The following KDM4C variants were observed in gnomAD, a reference collection of about 807,000 sequenced individuals.
KDM4C encodes the protein lysine demethylase 4C.
In KDM4C, 81 loss-of-function variants were observed where a neutral mutation model predicts 129.3. That is an observed-to-expected ratio of 0.63 (90% CI 0.52 to 0.75). The LOEUF (loss-of-function observed/expected upper bound fraction) is 0.75. Ranked by LOEUF, KDM4C falls within the 30% of genes least tolerant of loss-of-function variation. The pLI, the probability that KDM4C is intolerant of heterozygous loss-of-function variation, is 0.00. For missense variants in KDM4C, 1,457 were observed against 1,304.0 expected (o/e 1.12, Z -1.81); for synonymous variants, 573 against 456.1 (o/e 1.26, Z -3.26).
At chr9:7,113,554 G>A (rs373350316) in intron 18 of KDM4C, among the ~76,000 whole-genome samples, 12 of 152,124 alleles carry the variant, frequency 7.9e-5, no homozygotes, top group Non-Finnish European at 1.3e-4. Context: ...TTCTCTCCCT[G>A]TGCTTTCTGT....
At chr9:6,774,267 C>T (rs893721400) in intron 1 of KDM4C, among the ~76,000 whole-genome samples, 2 of 152,152 alleles carry the variant, frequency 1.3e-5, no homozygotes, top group Admixed American at 6.5e-5. Flanking sequence ...CAGTCCTTCA[C>T]CAGGCATGCA....
intron 5 of KDM4C, among the ~76,000 whole-genome samples, chr9:6,869,136 G>C (rs1842482332): frequency 6.6e-6 from 1 of 152,186 alleles, no homozygotes; most frequent in Non-Finnish European, 1.5e-5. Flanking sequence ...ACTTTCCAAA[G>C]CTTAGTTATT....
intron 21 of KDM4C, among the ~76,000 whole-genome samples, chr9:7,171,797 C>T (rs1248699543): frequency 6.6e-6 from 1 of 152,046 alleles, no homozygotes; most frequent in African/African-American, 2.4e-5. Context: ...TGAACAAGCT[C>T]ACCAACATTC....
intron 5 of KDM4C, 45 bp from the exon 6 acceptor site, chr9:6,879,967 G>A: frequency 2.8e-6 from 3 of 1,089,480 alleles, no homozygotes; most frequent in Non-Finnish European, 4.0e-6. Context: ...GCTACTAGCT[G>A]AAAAATTATA....
chr9:7,103,921 C>T (rs375894313), intron 18 of KDM4C, 51 bp downstream of exon 18: 2 of 1,529,786 alleles, frequency 1.3e-6, no homozygotes, highest in South Asian at 1.1e-5. Context: ...TGGATTTTCT[C>T]CTGTTTTAGA....
intron 17 of KDM4C, among the ~76,000 whole-genome samples, chr9:7,091,752 A>C (rs928318050): frequency 1.3e-5 from 2 of 152,210 alleles, no homozygotes; most frequent in African/African-American, 4.8e-5. Context: ...AATGGGAAGC[A>C]AGGGTTGAAG....
In KDM4C at chr9:7,117,893, C is replaced by T. The variant is rs144909817; in HGVS notation, c.2611-10173C>T. Among the ~76,000 whole-genome samples, 70 of 152,284 alleles carry T rather than the reference C, an allele frequency of 4.6e-4. No individual in the cohort carries two copies. The East Asian group carries it at 0.011, about 23-fold the overall frequency. On this transcript the variant is annotated intron_variant, in intron 18 of 21. Coordinates refer to ENST00000381309, the MANE Select transcript of KDM4C (RefSeq NM_015061.6). ...CTTAGCAGTGGCCCACTACCAGCTCCACCTGTCTAACTAATGTGAACTCTC... is the reference window on the plus strand; with the variant it reads ...CTTAGCAGTGGCCCACTACCAGCTCTACCTGTCTAACTAATGTGAACTCTC...
intron 15 of KDM4C, among the ~76,000 whole-genome samples, chr9:7,044,316 G>A (rs1829060312): frequency 6.6e-6 from 1 of 151,988 alleles, no homozygotes. Context: ...TCCTTGAGGT[G>A]TCTAAACACA....
intron 15 of KDM4C, among the ~76,000 whole-genome samples, chr9:7,032,563 C>T (rs1465906648): frequency 6.6e-6 from 1 of 152,168 alleles, no homozygotes; most frequent in African/African-American, 2.4e-5. Flanking sequence ...TTCTTTATTT[C>T]CACAGAACTT....
chr9:7,062,125 A>G (rs1177847365), intron 17 of KDM4C, among the ~76,000 whole-genome samples: 1 of 151,960 alleles, frequency 6.6e-6, no homozygotes, highest in Non-Finnish European at 1.5e-5. Flanking sequence ...CTGCCACCAC[A>G]CACTGGCCAA....
At chr9:6,848,191 G>C (rs1002505358) in intron 4 of KDM4C, among the ~76,000 whole-genome samples, 9 of 152,256 alleles carry the variant, frequency 5.9e-5, no homozygotes, top group Middle Eastern at 3.4e-3. Flanking sequence ...ACTGCACCTG[G>C]CCAATGCGCT....
intron 12 of KDM4C, among the ~76,000 whole-genome samples, chr9:7,006,234 G>A (rs1001829773): frequency 2.0e-5 from 3 of 152,170 alleles, no homozygotes; most frequent in African/African-American, 7.2e-5. Flanking sequence ...GTGAATTTCA[G>A]CAAGCCTGAC....
chr9:7,045,331 C>T (rs962564916), intron 15 of KDM4C, among the ~76,000 whole-genome samples: 1 of 152,014 alleles, frequency 6.6e-6, no homozygotes, highest in African/African-American at 2.4e-5. Context: ...CAACTCTTTG[C>T]TGCATTCCCA....
At chr9:6,936,643 C>G (rs1305742610) in intron 8 of KDM4C, among the ~76,000 whole-genome samples, 1 of 152,148 alleles carries the variant, frequency 6.6e-6, no homozygotes, top group African/African-American at 2.4e-5. Flanking sequence ...TGAGCCTTCC[C>G]ATGGCTATTC....
At chr9:6,999,146 C>T (rs1331063202) in intron 12 of KDM4C, among the ~76,000 whole-genome samples, 1 of 152,042 alleles carries the variant, frequency 6.6e-6, no homozygotes, top group Admixed American at 6.6e-5. Flanking sequence ...TGGCTGTTGC[C>T]CTTTACCTTT....
chr9:7,103,182 A>G (rs577092534), intron 17 of KDM4C, among the ~76,000 whole-genome samples: 1 of 152,294 alleles, frequency 6.6e-6, no homozygotes, highest in South Asian at 2.1e-4. Flanking sequence ...TTAACACTTT[A>G]CATTTCCTTG....
At chr9:7,097,040 T>C (rs540088952) in intron 17 of KDM4C, among the ~76,000 whole-genome samples, 2 of 152,306 alleles carry the variant, frequency 1.3e-5, no homozygotes, top group South Asian at 4.1e-4. Context: ...ACCTCTGAGC[T>C]TTATTACTTC....
intron 19 of KDM4C, among the ~76,000 whole-genome samples, chr9:7,162,591 G>A (rs1451506841): frequency 6.6e-6 from 1 of 152,160 alleles, no homozygotes; most frequent in African/African-American, 2.4e-5. Flanking sequence ...TGCAATTTAT[G>A]CTTGTCCAGT....
intron 8 of KDM4C, among the ~76,000 whole-genome samples, chr9:6,902,192 T>A (rs558313852): frequency 6.6e-6 from 1 of 152,214 alleles, no homozygotes; most frequent in Non-Finnish European, 1.5e-5. Context: ...TGTACATATA[T>A]CATTTACAGT....
Sources: gnomAD v4.1 joint callset for allele counts (sites outside exome capture counted in the v4.1 genomes callset) on GRCh38, gnomAD v4.1.1 for gene constraint, MANE v1.5 for transcripts, NCBI Gene and HGNC (gene_info 2026-07-23, HGNC 2026-07-21) for gene names.